PLEKHH2: variants seen among roughly 807,000 people sequenced by gnomAD.
PLEKHH2 encodes pleckstrin homology, MyTH4 and FERM domain containing H2, also known as pleckstrin homology domain-containing family H member 2.
A neutral mutation model predicts 187.9 loss-of-function variants in PLEKHH2; 129 were observed. That is an observed-to-expected ratio of 0.69 (90% CI 0.59 to 0.79). The LOEUF is 0.79. Among genes scored for constraint, PLEKHH2 ranks in the 30% least tolerant of loss-of-function variants. The pLI is 0.00. For missense variants in PLEKHH2, 2,076 were observed against 1,751.2 expected, an observed-to-expected ratio of 1.19 and a Z score of -3.31; for synonymous variants, 686 against 605.6, an observed-to-expected ratio of 1.13 and a Z score of -1.95.
Position 43,706,339 on chromosome 2 carries a change from T to A in PLEKHH2, c.1744T>A (p.Ser582Thr), listed in dbSNP as rs773725512. The A allele has an allele frequency of 3.6e-5, 58 of 1,608,384 alleles. No homozygotes were observed. The highest frequency in any genetic ancestry group is 4.6e-5 in the Non-Finnish European group (54 of 1,175,314). The change falls in exon 10 of 30, where the codon TCC becomes ACC. Residue 582 changes from serine (S) to threonine (T), a missense_variant. Ser to Thr is a moderately conservative substitution (Grantham distance 58, BLOSUM62 1). Transcript: ENST00000282406. ...SVNKNSAATL[S>T]YTTSGLYTSL... ...TGTTTCAGATTCTGCTGCAACCCTT[T>A]CCTATACTACATCAGGACTTTATAC...
intron 2 of PLEKHH2, 84 bp from the exon 3 acceptor site, chr2:43,678,779 A>G (rs954019350): frequency 7.1e-6 from 5 of 703,484 alleles, no homozygotes; most frequent in Admixed American, 2.5e-5. Flanking sequence ...TGGAGGTAGA[A>G]TTATGAGATT....
chr2:43,648,482 C>A (rs944606250), intron 2 of PLEKHH2, among the ~76,000 whole-genome samples: 5 of 146,318 alleles, frequency 3.4e-5, no homozygotes, highest in African/African-American at 7.6e-5. Context: ...CTGCTGTGCC[C>A]AGCTTTTTTT....
At chr2:43,752,824 C>G (rs951098570) in intron 24 of PLEKHH2, among the ~76,000 whole-genome samples, 1 of 152,144 alleles carries the variant, frequency 6.6e-6, no homozygotes, top group Admixed American at 6.5e-5. Flanking sequence ...TTGATGAAGA[C>G]CCCCCTAGGC....
rs116446515 is a variant in PLEKHH2 at position 43,701,638 on chromosome 2, C to T, written c.1650+1030C>T. On this transcript the variant is annotated intron_variant, in intron 8 of 29. Coordinates refer to ENST00000282406, the MANE Select transcript of PLEKHH2 (RefSeq NM_172069.4). ...CATTGGTTTCCAAAGTATCTTTCTACAGACCTAGAATAGATAAAATCTTCT... is the reference window on the plus strand; with the variant it reads ...CATTGGTTTCCAAAGTATCTTTCTATAGACCTAGAATAGATAAAATCTTCT... 8.4e-3 allele frequency among the ~76,000 whole-genome samples: 1,262 copies of T among 150,210 alleles called. 21 individuals carry two copies. The highest frequency in any genetic ancestry group is 0.03 in the African/African-American group (1,217 of 40,788).
At chr2:43,683,219 C>T (rs1668315679) in intron 3 of PLEKHH2, among the ~76,000 whole-genome samples, 1 of 136,940 alleles carries the variant, frequency 7.3e-6, no homozygotes, top group Non-Finnish European at 1.5e-5. Flanking sequence ...GATCTTGGCT[C>T]ACCACAACCT....
Position 43,765,630 on chromosome 2 carries a change from C to A in PLEKHH2, c.*32C>A. ...GGGAGCCTGAACATTCACTCCTTGT[C>A]CTCCATGCTGTGGCTGTATCAGCTC... On this transcript the variant is annotated 3_prime_UTR_variant, in exon 30 of 30. Coordinates refer to ENST00000282406, the MANE Select transcript of PLEKHH2 (RefSeq NM_172069.4). 1.2e-6 allele frequency: 2 copies of A among 1,600,126 alleles called. No individual in the cohort carries two copies. Among genetic ancestry groups the A allele is most frequent in the Admixed American group, 1.7e-5 (1 of 57,878 alleles).
At chr2:43,650,948 A>G (rs546157492) in intron 2 of PLEKHH2, among the ~76,000 whole-genome samples, 16 of 152,094 alleles carry the variant, frequency 1.1e-4, no homozygotes, top group Admixed American at 8.5e-4. Flanking sequence ...CCTGGCCAGC[A>G]TTACCTTTCC....
chr2:43,640,656 G>A (rs1332885793), intron 1 of PLEKHH2, among the ~76,000 whole-genome samples: 2 of 152,174 alleles, frequency 1.3e-5, no homozygotes, highest in African/African-American at 4.8e-5. Context: ...GAAGTGGAAT[G>A]TTGTTGTGAC....
intron 2 of PLEKHH2, among the ~76,000 whole-genome samples, chr2:43,659,492 T>C (rs1173881947): frequency 6.6e-6 from 1 of 152,158 alleles, no homozygotes. Context: ...CCAGACTAAA[T>C]TGGTCTTTTG....
chr2:43,695,867 A>T (rs759227836), intron 6 of PLEKHH2, among the ~76,000 whole-genome samples: 1 of 152,170 alleles, frequency 6.6e-6, no homozygotes, highest in Non-Finnish European at 1.5e-5. Flanking sequence ...AACACTTTGG[A>T]GGAGGTTTCT....
intron 4 of PLEKHH2, 48 bp downstream of exon 4, chr2:43,692,711 G>T: frequency 1.3e-6 from 2 of 1,549,734 alleles, no homozygotes; most frequent in Middle Eastern, 1.7e-4. Context: ...ACTCATTTGT[G>T]CATAATCACA....
intron 3 of PLEKHH2, among the ~76,000 whole-genome samples, chr2:43,689,933 C>T (rs1162203409): frequency 6.6e-6 from 1 of 152,136 alleles, no homozygotes; most frequent in African/African-American, 2.4e-5. Context: ...TGTGGCAACC[C>T]AATGTCTGTA....
At chr2:43,751,584 G>T (rs1672010955) in intron 24 of PLEKHH2, among the ~76,000 whole-genome samples, 1 of 152,198 alleles carries the variant, frequency 6.6e-6, no homozygotes, top group African/African-American at 2.4e-5. Context: ...CCATCCCACA[G>T]TATTCAGCTT....
intron 2 of PLEKHH2, among the ~76,000 whole-genome samples, chr2:43,653,500 G>A (rs965860571): frequency 1.2e-4 from 18 of 152,358 alleles, no homozygotes; most frequent in African/African-American, 4.3e-4. Context: ...AAGGTCCCAT[G>A]TAACTTCTCT....
intron 15 of PLEKHH2, among the ~76,000 whole-genome samples, chr2:43,718,233 T>C (rs2104537449): frequency 6.6e-6 from 1 of 152,162 alleles, no homozygotes; most frequent in Admixed American, 6.5e-5. Flanking sequence ...TTTTAAAGAG[T>C]AAGTCAGAGA....
rs761314096 is a variant in PLEKHH2 at position 43,726,366 on chromosome 2, G to A, written c.2636G>A (p.Ser879Asn). The A allele has an allele frequency of 1.2e-6, 2 of 1,610,634 alleles. No individual in the cohort carries two copies. The highest frequency in any genetic ancestry group is 4.5e-5 in the East Asian group (2 of 44,816). Residue 879 changes from serine to asparagine, a missense_variant, in exon 17 of 30, where the codon AGT (serine) becomes AAT (asparagine). Transcript: ENST00000282406. ...GAAGATTATGAAGCCAGTGGACGAA[G>A]TCTGTTATCCACACATTATACTATC... ...SDEDYEASGR[S>N]LLSTHYTIVI...
At chr2:43,751,213 C>T (rs994246454) in intron 24 of PLEKHH2, among the ~76,000 whole-genome samples, 5 of 152,304 alleles carry the variant, frequency 3.3e-5, no homozygotes, top group Admixed American at 6.5e-5. Context: ...ATGACGCATA[C>T]GTACAAGAGG....
chr2:43,710,494 T>G lies in PLEKHH2; in HGVS notation c.2220T>G (p.Asp740Glu). Reference protein sequence around the residue: ...GELLYYKSPSDVIRKPQGHIE... With the variant: ...GELLYYKSPSEVIRKPQGHIE... ...TGTTTTTCTGTTTCATACAGAGTGA[T>G]GTAATTAGAAAACCCCAGGGCCATA... The change falls in exon 14 of 30, where the codon GAT becomes GAG. Residue 740 changes from aspartate (D) to glutamate (E), a missense_variant. Physicochemically the swap from Asp to Glu is conservative, Grantham distance 45 (BLOSUM62 2). Transcript: ENST00000282406. The G allele has an allele frequency of 1.9e-6, 3 of 1,595,936 alleles. No individual in the cohort carries two copies. The highest frequency in any genetic ancestry group is 1.7e-6 in the Non-Finnish European group (2 of 1,175,902).
chr2:43,702,528 T>A (rs1024088157), intron 8 of PLEKHH2, among the ~76,000 whole-genome samples: 1 of 24,692 alleles, frequency 4.0e-5, no homozygotes, highest in Non-Finnish European at 9.1e-5. Context: ...ATTCTACTAC[T>A]TTTTTTTTTT....
Sources: allele counts gnomAD v4.1 joint callset (sites outside exome capture counted in the v4.1 genomes callset), GRCh38; gene constraint gnomAD v4.1.1; transcripts MANE v1.5; gene names NCBI Gene and HGNC (gene_info 2026-07-23, HGNC 2026-07-21).